The following KRT8 variants were observed in gnomAD, a reference collection of about 807,000 sequenced individuals.
KRT8 encodes keratin, type II cytoskeletal 8.
In KRT8, 24 loss-of-function variants were observed where a neutral mutation model predicts 43.0. That is an observed-to-expected ratio of 0.56 (90% CI 0.40 to 0.78). KRT8 has a LOEUF of 0.78. KRT8 is among the 30% of genes least tolerant of loss of function. KRT8 has a pLI of 0.00. For synonymous variants in KRT8, 214 were observed against 261.2 expected (o/e 0.82, Z 1.74); for missense variants, 492 against 638.4 (o/e 0.77, Z 2.47).
Position 52,918,168 on chromosome 12 carries a change from A to AGAG in KRT8, c.-46-13142_-46-13141insCTC, listed in dbSNP as rs1555188323. On this transcript the variant is annotated intron_variant, in intron 2 of 6. Transcript: ENST00000546826. ...GAGAGGGAGAAGGGGAAGAAGAAGA[A>AGAG]GAAGAGGAAGAGGAAGAAGAAGAAG... Among the ~76,000 whole-genome samples, 161 of 105,150 alleles carry AGAG rather than the reference A, an allele frequency of 1.5e-3. 2 individuals carry two copies. Among genetic ancestry groups the AGAG allele is most frequent in the Admixed American group, 0.011 (110 of 10,176 alleles). The allele number at this position is 105,150 out of a possible 152,430, so 69.0% of individuals were successfully genotyped here. A position where few individuals can be genotyped will look rare whatever the true frequency, so the allele number is the denominator to read the frequency against.
rs61730609 is a variant in KRT8 at position 52,898,776 on chromosome 12, G to A, written c.1105C>T (p.Arg369Trp). 21 of 1,614,126 alleles carry A rather than the reference G, an allele frequency of 1.3e-5. No homozygotes were observed. Among genetic ancestry groups the A allele is most frequent in the East Asian group, 4.5e-5 (2 of 44,898 alleles). ...AGCTCCTGGTACTCACGCAGCTGCC[G>A]CGCCATGTCCTGCTTGGCCCGCTGC... is the stretch of plus-strand genomic sequence containing the variant. The change falls in exon 6 of 8, where the codon CGG (arginine) becomes TGG (tryptophan). Residue 369 changes from arginine to tryptophan, a missense_variant. Transcript: ENST00000692008.
chr12:52,946,335 C>A (rs1942343669), intron 2 of KRT8, among the ~76,000 whole-genome samples: 1 of 152,158 alleles, frequency 6.6e-6, no homozygotes. Flanking sequence ...AATTGACCCC[C>A]TTTATCTGCC....
intron 2 of KRT8, among the ~76,000 whole-genome samples, chr12:52,922,149 C>A (rs138824977): frequency 5.7e-4 from 66 of 114,842 alleles, no homozygotes; most frequent in African/African-American, 2.1e-3. Context: ...CTGTGAGTAA[C>A]AATGGCACTG....
intron 2 of KRT8, chr12:52,948,908 C>A: frequency 2.3e-6 from 1 of 436,452 alleles, no homozygotes; most frequent in South Asian, 8.0e-5. Context: ...TGTCCGTGTC[C>A]ATGCCCGGTT....
rs574418333 is a variant in KRT8, at chr12:52,927,568, C to T, written c.-47+21888G>A. ...CTGGCCAGGGGTGGAGTCGCGAGGG[C>T]CCTGCTGCCTGCCTGCCAACTGGGC... is the stretch of plus-strand genomic sequence containing the variant. On this transcript the variant is annotated intron_variant, in intron 2 of 6. Transcript: ENST00000546826. Among the ~76,000 whole-genome samples, 8 of 152,310 alleles carry T rather than the reference C, an allele frequency of 5.3e-5. No individual in the cohort carries two copies. In the East Asian group the frequency reaches 1.5e-3, roughly 29 times the overall value.
chr12:52,939,841 T>G (rs1377968069), intron 2 of KRT8, among the ~76,000 whole-genome samples: 1 of 152,076 alleles, frequency 6.6e-6, no homozygotes, highest in Non-Finnish European at 1.5e-5. Flanking sequence ...ATCCCAGCAC[T>G]TTGGAAGACC....
At chr12:52,929,188 C>CT (rs59896088) in intron 2 of KRT8, among the ~76,000 whole-genome samples, 10,429 of 132,752 alleles carry the variant, frequency 0.079, 494 homozygotes, top group East Asian at 0.23. Flanking sequence ...TCCTTCCTTT[C>CT]TTTTTTTTTT....
chr12:52,930,112 A>G (rs751403841), intron 2 of KRT8, among the ~76,000 whole-genome samples: 15 of 152,210 alleles, frequency 9.9e-5, no homozygotes, highest in South Asian at 2.1e-4. Context: ...AAGCACATAG[A>G]ATGGTGCCTG....
chr12:52,940,348 G>T (rs1205134328), intron 2 of KRT8, among the ~76,000 whole-genome samples: 2 of 150,222 alleles, frequency 1.3e-5, no homozygotes, highest in African/African-American at 4.9e-5. Context: ...CAGGAGAATC[G>T]CTTGAACCTG....
chr12:52,898,597 G>T, intron 6 of KRT8, 78 bp from the exon 7 acceptor site: 1 of 1,611,840 alleles, frequency 6.2e-7, no homozygotes, highest in Non-Finnish European at 8.5e-7. Flanking sequence ...CAAGTCCCAA[G>T]GGGCTTCAGG....
intron 2 of KRT8, among the ~76,000 whole-genome samples, chr12:52,931,488 G>A (rs1942082805): frequency 6.6e-6 from 1 of 152,020 alleles, no homozygotes; most frequent in Admixed American, 6.6e-5. Flanking sequence ...ATGATATTGG[G>A]CACCTGCATT....
upstream of KRT8, among the ~76,000 whole-genome samples, chr12:52,907,745 C>T (rs1214945744): frequency 6.6e-6 from 1 of 152,188 alleles, no homozygotes; most frequent in Non-Finnish European, 1.5e-5. Flanking sequence ...GCCAAACCTT[C>T]CCCCAGATGC....
At chr12:52,906,433 C>T (rs906117288), upstream of KRT8, 58 of 304,250 alleles carry the variant, frequency 1.9e-4, no homozygotes, top group East Asian at 9.0e-5. Flanking sequence ...AGGCTCCCAA[C>T]GGGCCAGAGG....
At chr12:52,940,489 T>C (rs761976342) in intron 2 of KRT8, among the ~76,000 whole-genome samples, 7 of 151,164 alleles carry the variant, frequency 4.6e-5, no homozygotes, top group Non-Finnish European at 1.0e-4. Flanking sequence ...ACACACTTTA[T>C]AGTTTATTTT....
At chr12:52,898,643 A>AG in intron 6 of KRT8, 36 bp downstream of exon 6, 1 of 1,613,232 alleles carries the variant, frequency 6.2e-7, no homozygotes, top group Non-Finnish European at 8.5e-7. Flanking sequence ...TCCCAGGGAT[A>AG]GGGAAGCAGG....
chr12:52,944,740 C>T (rs1398278283), intron 2 of KRT8, among the ~76,000 whole-genome samples: 1 of 152,196 alleles, frequency 6.6e-6, no homozygotes, highest in African/African-American at 2.4e-5. Flanking sequence ...ACAAACCCAA[C>T]CGAAGCAATG....
Position 52,932,552 on chromosome 12 carries a change from CA to C in KRT8, c.-47+16903del, listed in dbSNP as rs1463528143. ...TCAACATTGTACTGAACGTGCTAGC[CA>C]GTGCAATAAGTCAGGAAGAAGAAAT... On this transcript the variant is annotated intron_variant, in intron 2 of 6. Coordinates refer to the KRT8 transcript ENST00000546826. 2.3e-4 allele frequency among the ~76,000 whole-genome samples: 35 copies of C among 151,964 alleles called. 1 individual carries two copies. Among genetic ancestry groups the C allele is most frequent in the Admixed American group, 2.1e-3 (32 of 15,232 alleles).
exon 8 of KRT8, chr12:52,897,375 C>T (rs1941234008): frequency 1.3e-6 from 2 of 1,519,116 alleles, no homozygotes; most frequent in African/African-American, 2.7e-5. Context: ...GCCTCCTTCC[C>T]AGGCTCTGGG....
At chr12:52,907,014 C>CACA (rs1248000188), upstream of KRT8, 5 of 236,012 alleles carry the variant, frequency 2.1e-5, no homozygotes, top group Admixed American at 1.1e-4. Context: ...ACACACACAC[C>CACA]CCACACATTG....
Sources: allele counts gnomAD v4.1 joint callset (sites outside exome capture counted in the v4.1 genomes callset), GRCh38; gene constraint gnomAD v4.1.1; transcripts MANE v1.5; gene names NCBI Gene and HGNC (gene_info 2026-07-23, HGNC 2026-07-21).